PPP1R1C: variants seen among roughly 807,000 people sequenced by gnomAD.
PPP1R1C encodes protein phosphatase 1 regulatory subunit 1C.
PPP1R1C carries 15 observed loss-of-function variants against 17.4 expected under a neutral mutation model. The ratio of observed to expected loss-of-function variants is 0.86; its 90% CI spans 0.58 to 1.33. PPP1R1C has a LOEUF of 1.33. Ranked by LOEUF, PPP1R1C falls within the 40% of genes most tolerant of loss-of-function variation. The pLI is 0.00. For missense variants in PPP1R1C, 143 were observed against 130.0 expected, an observed-to-expected ratio of 1.10 and a Z score of -0.48; for synonymous variants, 35 against 43.1, an observed-to-expected ratio of 0.81 and a Z score of 0.73.
chr2:182,046,950 G>A (rs1386905446), intron 2 of PPP1R1C, among the ~76,000 whole-genome samples: 1 of 151,952 alleles, frequency 6.6e-6, no homozygotes, highest in East Asian at 1.9e-4. Flanking sequence ...CAATGTTAGC[G>A]ACCTATGTGG....
chr2:181,979,098 T>G (rs1685148293), intron 2 of PPP1R1C, among the ~76,000 whole-genome samples: 1 of 152,254 alleles, frequency 6.6e-6, no homozygotes, highest in Admixed American at 6.5e-5. Flanking sequence ...TTTTAAATTT[T>G]AATATTCACT....
At chr2:182,002,993 T>G (rs2125150457) in intron 2 of PPP1R1C, among the ~76,000 whole-genome samples, 1 of 131,712 alleles carries the variant, frequency 7.6e-6, no homozygotes, top group African/African-American at 2.8e-5. Context: ...GGGAGAAAAT[T>G]GACCTGTATT....
chr2:182,106,852 C>T (rs763879308), intron 4 of PPP1R1C, among the ~76,000 whole-genome samples: 10 of 152,138 alleles, frequency 6.6e-5, no homozygotes, highest in South Asian at 2.1e-4. Context: ...TGGAGCCCCA[C>T]GACTTGCCAG....
intron 2 of PPP1R1C, among the ~76,000 whole-genome samples, chr2:182,051,757 C>T (rs1687524975): frequency 6.6e-6 from 1 of 152,130 alleles, no homozygotes; most frequent in Non-Finnish European, 1.5e-5. Flanking sequence ...TGTTTAAATA[C>T]AGTTAAACCA....
intron 2 of PPP1R1C, among the ~76,000 whole-genome samples, chr2:181,996,429 A>G (rs1372291676): frequency 6.6e-6 from 1 of 152,218 alleles, no homozygotes; most frequent in Non-Finnish European, 1.5e-5. Context: ...AGGGGTTCCC[A>G]GCACATGTTG....
At chr2:181,960,191 G>A (rs554379664) in intron 1 of PPP1R1C, among the ~76,000 whole-genome samples, 2 of 152,264 alleles carry the variant, frequency 1.3e-5, no homozygotes, top group South Asian at 4.1e-4. Context: ...AAGACGTGGT[G>A]GTTGAAAGAA....
chr2:181,970,205 C>T (rs1398760000), intron 1 of PPP1R1C, among the ~76,000 whole-genome samples: 2 of 150,596 alleles, frequency 1.3e-5, no homozygotes, highest in African/African-American at 4.9e-5. Context: ...TTATTGGTGT[C>T]TGGGCGTTGA....
intron 4 of PPP1R1C, among the ~76,000 whole-genome samples, chr2:182,078,682 T>C (rs1239746033): frequency 6.6e-6 from 1 of 152,222 alleles, no homozygotes. Context: ...GCTCTGACAA[T>C]TCAAATCTGT....
At chr2:182,021,119 G>A (rs185050788) in intron 2 of PPP1R1C, among the ~76,000 whole-genome samples, 5 of 152,126 alleles carry the variant, frequency 3.3e-5, no homozygotes, top group Non-Finnish European at 7.4e-5. Context: ...TCCATCATGG[G>A]AAAGAATGGG....
At position 182,097,067 on chromosome 2, in the gene PPP1R1C, G is replaced by T. The variant is rs1045450972; in HGVS notation, c.242-20140G>T. Among the ~76,000 whole-genome samples the T allele has an allele frequency of 4.6e-5, 7 of 152,060 alleles. No homozygotes were observed. In the East Asian group the frequency reaches 1.2e-3, roughly 25 times the overall value. On this transcript the variant is annotated intron_variant, in intron 4 of 4. Transcript: ENST00000682840. ...TTAAGCCCATTTATGCAAATGCAAGGGTACCTATTCGATATGTCCAGCTAA... is the reference window on the plus strand; with the variant it reads ...TTAAGCCCATTTATGCAAATGCAAGTGTACCTATTCGATATGTCCAGCTAA...
At chr2:182,062,080 C>T (rs1687866968) in intron 3 of PPP1R1C, among the ~76,000 whole-genome samples, 1 of 151,960 alleles carries the variant, frequency 6.6e-6, no homozygotes, top group South Asian at 2.1e-4. Context: ...ATATGAAACA[C>T]AAAGTGAATA....
intron 2 of PPP1R1C, among the ~76,000 whole-genome samples, chr2:182,017,649 C>T (rs1485230547): frequency 6.6e-6 from 1 of 152,026 alleles, no homozygotes; most frequent in Non-Finnish European, 1.5e-5. Context: ...ACTGTAGATG[C>T]AGTGATGAAG....
chr2:182,112,146 C>T (rs1689457715), intron 4 of PPP1R1C, among the ~76,000 whole-genome samples: 1 of 152,120 alleles, frequency 6.6e-6, no homozygotes, highest in South Asian at 2.1e-4. Context: ...TGATTTGTAC[C>T]TGTTTCTTTT....
chr2:181,982,896 T>C (rs746664082), upstream of PPP1R1C, among the ~76,000 whole-genome samples: 14 of 152,214 alleles, frequency 9.2e-5, no homozygotes, highest in Non-Finnish European at 1.8e-4. Flanking sequence ...TTGCTTGTTC[T>C]AGAGGCCTTT....
In PPP1R1C at chr2:182,071,815, C is replaced by T. The variant is rs957864922; in HGVS notation, c.241+8024C>T. ...TTGCTCAAATAGTTCCTGTTTTGGC[C>T]TTTGGGAACTTTTTCCATTGACTCC... On this transcript the variant is annotated intron_variant, in intron 4 of 4. Coordinates refer to ENST00000682840, the MANE Select transcript of PPP1R1C (RefSeq NM_001080545.3). Among the ~76,000 whole-genome samples the T allele has an allele frequency of 2.0e-5, 3 of 152,224 alleles. No homozygotes were observed. The East Asian group carries it at 5.8e-4, about 29-fold the overall frequency.
chr2:182,070,358 C>T (rs766181593), intron 4 of PPP1R1C, among the ~76,000 whole-genome samples: 1 of 152,214 alleles, frequency 6.6e-6, no homozygotes, highest in Non-Finnish European at 1.5e-5. Flanking sequence ...CATGCAAAGA[C>T]TAAATAGGTC....
intron 5 of PPP1R1C, among the ~76,000 whole-genome samples, chr2:182,128,216 C>A (rs1021661399): frequency 4.9e-4 from 74 of 152,100 alleles, no homozygotes; most frequent in African/African-American, 1.6e-3. Flanking sequence ...CAGTCAAATA[C>A]ATGTAAACTA....
downstream of PPP1R1C, chr2:182,130,997 C>T (rs1176427071): frequency 1.3e-5 from 2 of 152,154 alleles, no homozygotes; most frequent in East Asian, 3.9e-4. Flanking sequence ...CTGGTTAGTA[C>T]CTAAATAAGA....
chr2:182,004,055 G>A (rs564338977), intron 2 of PPP1R1C, among the ~76,000 whole-genome samples: 1 of 152,112 alleles, frequency 6.6e-6, no homozygotes, highest in Non-Finnish European at 1.5e-5. Context: ...TGTTAGAAAG[G>A]CGTGCCATAT....
Sources: allele counts gnomAD v4.1 joint callset (sites outside exome capture counted in the v4.1 genomes callset), GRCh38; gene constraint gnomAD v4.1.1; transcripts MANE v1.5; gene names NCBI Gene and HGNC (gene_info 2026-07-23, HGNC 2026-07-21).